Variants in UNC13C observed in about 807,000 individuals in gnomAD.
UNC13C encodes protein unc-13 homolog C.
A neutral mutation model predicts 245.4 loss-of-function variants in UNC13C; 174 were observed. The observed-to-expected ratio is 0.71, with a 90% CI of 0.63 to 0.80. The LOEUF is 0.80. Ranked by LOEUF, UNC13C falls within the 30% of genes least tolerant of loss-of-function variation. The pLI is 0.00. For synonymous variants in UNC13C, 992 were observed against 895.1 expected (o/e 1.11, Z -1.93); for missense variants, 2,829 against 2,602.9 (o/e 1.09, Z -1.89).
chr15:53,928,523 A>G, the UNC13C span, among the ~76,000 whole-genome samples: 2 of 152,146 alleles, frequency 1.3e-5, no homozygotes, highest in Non-Finnish European at 2.9e-5. Flanking sequence ...GTTTATGGCC[A>G]GTTTTGGGGC....
chr15:54,222,802 A>G (rs572820091), intron 4 of UNC13C, among the ~76,000 whole-genome samples: 2 of 152,136 alleles, frequency 1.3e-5, no homozygotes, highest in Admixed American at 6.5e-5. Flanking sequence ...GGTTGAGGTG[A>G]TATCACATTG....
At chr15:54,197,600 A>G (rs1216786055) in intron 4 of UNC13C, among the ~76,000 whole-genome samples, 2 of 152,206 alleles carry the variant, frequency 1.3e-5, no homozygotes, top group African/African-American at 4.8e-5. Flanking sequence ...TGTGGATGCA[A>G]ACTTTTTCAC....
chr15:53,970,092 C>G, the UNC13C span, among the ~76,000 whole-genome samples: 1 of 151,040 alleles, frequency 6.6e-6, no homozygotes, highest in Non-Finnish European at 1.5e-5. Flanking sequence ...CTCTTGTTGC[C>G]CAGACTGGAG....
chr15:54,052,759 G>C (rs895661658), intron 2 of UNC13C, among the ~76,000 whole-genome samples: 1 of 152,116 alleles, frequency 6.6e-6, no homozygotes, highest in Non-Finnish European at 1.5e-5. Context: ...AATCATTTAT[G>C]TATTTATTTA....
chr15:54,232,797 G>C (rs939499145), intron 4 of UNC13C, among the ~76,000 whole-genome samples: 2 of 152,134 alleles, frequency 1.3e-5, no homozygotes, highest in Non-Finnish European at 2.9e-5. Context: ...TATTGATACT[G>C]TTCACAGAGG....
the UNC13C span, among the ~76,000 whole-genome samples, chr15:53,961,540 G>A: frequency 6.6e-6 from 1 of 152,204 alleles, no homozygotes; most frequent in African/African-American, 2.4e-5. Context: ...GCATAGAGTG[G>A]TTAACAGTTT....
chr15:54,471,069 GAT>G (rs1366598637), intron 19 of UNC13C, among the ~76,000 whole-genome samples: 1 of 151,386 alleles, frequency 6.6e-6, no homozygotes, highest in African/African-American at 2.4e-5. Flanking sequence ...GGTTGGAAAA[GAT>G]ACTTCATATG....
At chr15:53,868,398 G>C in the UNC13C span, among the ~76,000 whole-genome samples, 6 of 152,120 alleles carry the variant, frequency 3.9e-5, no homozygotes, top group Admixed American at 2.0e-4. Flanking sequence ...AAATAAAGTA[G>C]GTGGAAAAAA....
At chr15:54,499,196 G>A (rs965600789) in intron 20 of UNC13C, among the ~76,000 whole-genome samples, 1 of 152,090 alleles carries the variant, frequency 6.6e-6, no homozygotes, top group Admixed American at 6.6e-5. Context: ...CACATGGGGG[G>A]AGCAGGAGCA....
chr15:54,236,489 A>G (rs2035704023), intron 6 of UNC13C, 54 bp downstream of exon 6: 1 of 1,376,662 alleles, frequency 7.3e-7, no homozygotes. Context: ...TCAAACATAC[A>G]CTGCACTTAC....
At chr15:54,514,722 C>T (rs1456350350) in intron 24 of UNC13C, among the ~76,000 whole-genome samples, 3 of 152,166 alleles carry the variant, frequency 2.0e-5, no homozygotes, top group Non-Finnish European at 2.9e-5. Context: ...GAATCAGCCT[C>T]TTTTCCCCCT....
In UNC13C at chr15:54,333,875, G is replaced by T. The variant is rs746910694; in HGVS notation, c.4584+19G>T. 1 of 1,558,200 alleles carries T rather than the reference G, an allele frequency of 6.4e-7. No homozygotes were observed. Among genetic ancestry groups the T allele is most frequent in the East Asian group, 2.3e-5 (1 of 43,638 alleles). On this transcript the variant is annotated intron_variant, in intron 16 of 32. Coordinates refer to ENST00000260323, the MANE Select transcript of UNC13C (RefSeq NM_001080534.3). ...GATGAAGGTATCTCATTTTATTTCT[G>T]TCACTGTTTTGTTGTGACATAGAAT...
chr15:54,286,081 A>G (rs2037141252), intron 10 of UNC13C, among the ~76,000 whole-genome samples: 1 of 152,036 alleles, frequency 6.6e-6, no homozygotes, highest in Non-Finnish European at 1.5e-5. Flanking sequence ...GGGTTTCACC[A>G]TTTTGGCCAG....
chr15:54,265,797 C>T (rs2036536906), intron 10 of UNC13C, among the ~76,000 whole-genome samples: 3 of 151,782 alleles, frequency 2.0e-5, no homozygotes, highest in African/African-American at 7.3e-5. Context: ...TTGCGATGAC[C>T]CAACATAGCC....
At chr15:53,908,320 G>A in the UNC13C span, among the ~76,000 whole-genome samples, 1 of 146,326 alleles carries the variant, frequency 6.8e-6, no homozygotes, top group Non-Finnish European at 1.5e-5. Context: ...ATACTGTAAA[G>A]TTTCTAAGTA....
rs62009775 is a variant in UNC13C at position 54,012,746 on chromosome 15, A to G, written c.-158A>G. On this transcript the variant is annotated 5_prime_UTR_variant, in exon 2 of 33. Coordinates refer to ENST00000260323, the MANE Select transcript of UNC13C (RefSeq NM_001080534.3). The stretch of plus-strand genomic sequence containing the variant: ...ATGGAGCTTTGCTTCTGGTTTGCAC[A>G]GGACAGCGACAATGTGGCAGAGCCA... Among the ~76,000 whole-genome samples, 1,566 of 152,328 alleles carry G rather than the reference A, an allele frequency of 0.01. 8 individuals carry two copies. The highest frequency in any genetic ancestry group is 0.018 in the South Asian group (89 of 4,824).
At chr15:54,521,783 T>G (rs1895224769) in intron 24 of UNC13C, among the ~76,000 whole-genome samples, 1 of 152,226 alleles carries the variant, frequency 6.6e-6, no homozygotes. Flanking sequence ...AAATATCCTA[T>G]TCATAGTTAA....
chr15:54,625,436 G>C (rs1461807483), intron 32 of UNC13C, among the ~76,000 whole-genome samples: 2 of 152,050 alleles, frequency 1.3e-5, no homozygotes, highest in Non-Finnish European at 2.9e-5. Flanking sequence ...ATGAGGAGTT[G>C]GGAAGATAGC....
At chr15:54,204,720 A>T (rs1197238088) in intron 4 of UNC13C, among the ~76,000 whole-genome samples, 1 of 152,052 alleles carries the variant, frequency 6.6e-6, no homozygotes, top group Non-Finnish European at 1.5e-5. Context: ...TTTTAAGCTA[A>T]TGATTAAGAC....
Sources: gnomAD v4.1 joint callset for allele counts (sites outside exome capture counted in the v4.1 genomes callset) on GRCh38, gnomAD v4.1.1 for gene constraint, MANE v1.5 for transcripts, NCBI Gene and HGNC (gene_info 2026-07-23, HGNC 2026-07-21) for gene names.